HMCN2: variants seen among roughly 807,000 people sequenced by gnomAD.
HMCN2 encodes hemicentin-2.
Under a neutral mutation model 377.5 loss-of-function variants are expected in HMCN2, and 325 were observed. The observed-to-expected ratio is 0.86, with a 90% CI of 0.79 to 0.94. The LOEUF (loss-of-function observed/expected upper bound fraction) is 0.94, where lower values mean the gene tolerates loss of function less well. Among genes scored for constraint, HMCN2 ranks in the 40% least tolerant of loss-of-function variants. The pLI is 0.00. For synonymous variants in HMCN2, 2,007 were observed against 2,046.8 expected, an observed-to-expected ratio of 0.98 and a Z score of 0.53; for missense variants, 4,543 against 4,725.3, an observed-to-expected ratio of 0.96 and a Z score of 1.13.
At position 130,304,678 on chromosome 9, in the gene HMCN2, C is replaced by G; in HGVS notation, c.1544-52C>G. ...GGCAGCACCAGGGCTTGCACGATGA[C>G]CCCCTCCCTTGCCTCAGCTCCTTGG... On this transcript the variant is annotated intron_variant, in intron 10 of 97. Coordinates refer to ENST00000683500, the MANE Select transcript of HMCN2 (RefSeq NM_001291815.2). The surrounding 1 kb of genome is among the most constrained non-coding windows in gnomAD (Gnocchi z 4.3). The G allele has an allele frequency of 2.4e-6, 1 of 424,506 alleles. No homozygotes were observed. The highest frequency in any genetic ancestry group is 5.0e-6 in the Non-Finnish European group (1 of 201,736). 26.3% of individuals were successfully genotyped at this position (424,506 alleles called of 1,614,324 possible).
At chr9:130,415,729 C>T (rs1009990027) in intron 85 of HMCN2, among the ~76,000 whole-genome samples, 1 of 152,200 alleles carries the variant, frequency 6.6e-6, no homozygotes, top group African/African-American at 2.4e-5. Context: ...GTGCATATTT[C>T]CCACGATGGC....
In HMCN2 at chr9:130,296,686, G is replaced by T. The variant is rs1293071288; in HGVS notation, c.904G>T (p.Gly302Cys). The change falls in exon 7 of 98, where the codon GGC (glycine) becomes TGC (cysteine). Residue 302 changes from glycine to cysteine, a missense_variant. Coordinates refer to ENST00000683500, the MANE Select transcript of HMCN2 (RefSeq NM_001291815.2). ...GGGCCTGCGCTAGGTCTATAGCAGT[G>T]GCCGCCATTCAGTGAGGATCACAGG... ...GLWSIKVYSS[G>C]RHSVRITGVS... 1 of 470,994 alleles carries T rather than the reference G, an allele frequency of 2.1e-6. No individual in the cohort carries two copies. The highest frequency in any genetic ancestry group is 2.3e-5 in the Admixed American group (1 of 42,562). 29.2% of individuals were successfully genotyped at this position (470,994 alleles called of 1,614,324 possible).
intron 1 of HMCN2, among the ~76,000 whole-genome samples, chr9:130,277,976 T>TCACCAC (rs1384229383): frequency 2.4e-5 from 2 of 82,062 alleles, no homozygotes; most frequent in Admixed American, 1.2e-4. Context: ...ACCATCATCA[T>TCACCAC]CACCACCACC....
In HMCN2 at chr9:130,375,869, C is replaced by T. The variant is rs1430606477; in HGVS notation, c.7805-7C>T. On this transcript the variant is annotated splice_region_variant and splice_polypyrimidine_tract_variant and intron_variant, in intron 50 of 97. Transcript: ENST00000683500. Reference sequence around the variant, plus strand: ...TGGGGTGACCCTGGCCACTGGCCCCCACACAGGTACCCACGGGCTGCAGAT... The same window carrying T: ...TGGGGTGACCCTGGCCACTGGCCCCTACACAGGTACCCACGGGCTGCAGAT... 1 of 985,712 alleles carries T rather than the reference C, an allele frequency of 1.0e-6. No homozygotes were observed. The highest frequency in any genetic ancestry group is 1.2e-6 in the Non-Finnish European group (1 of 829,842). 61.1% of individuals were successfully genotyped at this position (985,712 alleles called of 1,614,324 possible).
chr9:130,277,952 TCAC>T lies in HMCN2; in HGVS notation c.260-6636_260-6634del, dbSNP rs1236289428. Among the ~76,000 whole-genome samples the T allele has an allele frequency of 6.4e-4, 51 of 79,312 alleles. 4 individuals are homozygous for T. Among genetic ancestry groups the T allele is most frequent in the African/African-American group, 1.3e-3 (23 of 17,196 alleles). The allele number at this position is 79,312 out of a possible 152,430, so 52.0% of individuals were successfully genotyped here. Reference sequence around the variant, plus strand: ...ATCATCACCACCACCATCATCATCATCACCACCACCACCACCATCATCATCACC... The same window carrying T: ...ATCATCACCACCACCATCATCATCATCACCACCACCACCATCATCATCACC... On this transcript the variant is annotated intron_variant, in intron 1 of 97. Transcript: ENST00000683500.
At chr9:130,375,028 C>T (rs377013668) in intron 49 of HMCN2, among the ~76,000 whole-genome samples, 1 of 152,178 alleles carries the variant, frequency 6.6e-6, no homozygotes, top group South Asian at 2.1e-4. Context: ...CTCTCCATCT[C>T]CTGAGGACAA....
intron 1 of HMCN2, among the ~76,000 whole-genome samples, chr9:130,284,033 G>A (rs1332559059): frequency 6.6e-6 from 1 of 152,228 alleles, no homozygotes; most frequent in Non-Finnish European, 1.5e-5. Flanking sequence ...CCCACCAGCA[G>A]TGAATGAAAG....
At chr9:130,411,285 A>G (rs1843393639) in intron 85 of HMCN2, among the ~76,000 whole-genome samples, 1 of 152,088 alleles carries the variant, frequency 6.6e-6, no homozygotes, top group Non-Finnish European at 1.5e-5. Context: ...ATGCAATGCA[A>G]TATTATTTAA....
At chr9:130,412,463 A>G (rs942892626) in intron 85 of HMCN2, among the ~76,000 whole-genome samples, 2 of 152,132 alleles carry the variant, frequency 1.3e-5, no homozygotes, top group African/African-American at 4.8e-5. Flanking sequence ...GTCCAAATTT[A>G]TCCATTGTGT....
intron 86 of HMCN2, among the ~76,000 whole-genome samples, chr9:130,421,690 C>A (rs1844022547): frequency 6.6e-6 from 1 of 152,190 alleles, no homozygotes; most frequent in Admixed American, 6.5e-5. Context: ...CCATGGGCCC[C>A]AGAGCATCGG....
chr9:130,379,293 G>A lies in HMCN2; in HGVS notation c.8257G>A (p.Glu2753Lys), dbSNP rs943851277. Residue 2753 changes from glutamate to lysine, a missense_variant, in exon 54 of 98, where the codon GAG becomes AAG. Coordinates refer to ENST00000683500, the MANE Select transcript of HMCN2 (RefSeq NM_001291815.2). ...GGTGGGTGATTTCAGTGCAGCCTTC[G>A]AGATCCTGTCCCGGGAGGAGGAGGC... is the stretch of plus-strand genomic sequence containing the variant. ...QKVGDFSAAFEILSREEEARG... is the reference protein window; with the variant it reads ...QKVGDFSAAFKILSREEEARG... 5.3e-5 allele frequency: 52 copies of A among 985,650 alleles called. No individual in the cohort carries two copies. In the South Asian group the frequency reaches 1.3e-3, roughly 25 times the overall value. 61.1% of individuals were successfully genotyped at this position (985,650 alleles called of 1,614,324 possible).
chr9:130,416,636 C>T (rs994537405), intron 85 of HMCN2, among the ~76,000 whole-genome samples: 8 of 152,140 alleles, frequency 5.3e-5, no homozygotes, highest in African/African-American at 1.2e-4. Context: ...ACCTTACGCA[C>T]GCCCTCCAGT....
intron 30 of HMCN2, 88 bp from the exon 31 acceptor site, chr9:130,352,839 G>T: frequency 9.2e-7 from 1 of 1,083,422 alleles, no homozygotes. Context: ...TGTGTCTTGT[G>T]GCCCAAAGGC....
At chr9:130,424,735 G>T in intron 87 of HMCN2, 41 bp from the exon 88 acceptor site, 1 of 1,469,960 alleles carries the variant, frequency 6.8e-7, no homozygotes, top group Non-Finnish European at 9.0e-7. Flanking sequence ...GCTGCCCTGA[G>T]GATCAGCTCT....
Position 130,414,528 on chromosome 9 carries a change from C to T in HMCN2, c.12961+3876C>T, listed in dbSNP as rs996987888. The stretch of plus-strand genomic sequence containing the variant: ...CAGGAACAAGGAAAAGCTCAACTTA[C>T]ACACCAGGAACAAGGAAAATCTCAA... On this transcript the variant is annotated intron_variant, in intron 85 of 97. Coordinates refer to ENST00000683500, the MANE Select transcript of HMCN2 (RefSeq NM_001291815.2). This position sits in a 1 kb window ranked among gnomAD's most constrained non-coding sequence, Gnocchi z 4.4. Among the ~76,000 whole-genome samples, 4 of 152,178 alleles carry T rather than the reference C, an allele frequency of 2.6e-5. No homozygotes were observed. The highest frequency in any genetic ancestry group is 9.6e-5 in the African/African-American group (4 of 41,526).
chr9:130,384,884 G>C, intron 59 of HMCN2, 86 bp downstream of exon 59: 1 of 921,944 alleles, frequency 1.1e-6, no homozygotes, highest in Non-Finnish European at 1.5e-6. Context: ...ACATAGACAG[G>C]AGAGGGCCAG....
At chr9:130,311,718 G>T (rs1379901527) in intron 15 of HMCN2, among the ~76,000 whole-genome samples, 2 of 152,178 alleles carry the variant, frequency 1.3e-5, no homozygotes, top group African/African-American at 4.8e-5. Context: ...AATAGCACGT[G>T]CAGCCCTCCC....
intron 23 of HMCN2, among the ~76,000 whole-genome samples, chr9:130,340,676 G>A (rs1838997018): frequency 2.0e-5 from 3 of 152,238 alleles, no homozygotes; most frequent in South Asian, 4.1e-4. Context: ...GCGCCACCAC[G>A]CCCAGCTAAT....
At chr9:130,362,280 C>T (rs1840427689) in intron 39 of HMCN2, 115 bp downstream of exon 39, 3 of 684,056 alleles carry the variant, frequency 4.4e-6, no homozygotes, top group Non-Finnish European at 5.4e-6. Context: ...AGCCCAGGGC[C>T]GAGGGCTAGA....
Sources: gnomAD v4.1 joint callset for allele counts (sites outside exome capture counted in the v4.1 genomes callset) on GRCh38, gnomAD v4.1.1 for gene constraint, Gnocchi (gnomAD v3.1) non-coding constraint, MANE v1.5 for transcripts, NCBI Gene and HGNC (gene_info 2026-07-23, HGNC 2026-07-21) for gene names.